DEPTOR: variants seen among roughly 807,000 people sequenced by gnomAD.
DEPTOR encodes the protein DEP domain-containing mTOR-interacting protein.
Under a neutral mutation model 41.6 loss-of-function variants are expected in DEPTOR, and 41 were observed. The observed-to-expected ratio is 0.98, with a 90% CI of 0.77 to 1.28. The LOEUF is 1.28. Ranked by LOEUF, DEPTOR falls within the 50% of genes most tolerant of loss-of-function variation. The pLI, the probability that DEPTOR is intolerant of heterozygous loss-of-function variation, is 0.00. For synonymous variants in DEPTOR, 195 were observed against 192.3 expected (o/e 1.01, Z -0.12); for missense variants, 514 against 527.9 (o/e 0.97, Z 0.26).
In DEPTOR at chr8:119,963,059, G is replaced by C. The variant is rs563116339; in HGVS notation, c.426-2173G>C. ...ATCTATGTGGATGCAAAGCTGTAGG[G>C]TTGGGAGTATAGGCCTGGTCTGGGA... is the stretch of plus-strand genomic sequence containing the variant. On this transcript the variant is annotated intron_variant, in intron 3 of 8. Coordinates refer to ENST00000286234, the MANE Select transcript of DEPTOR (RefSeq NM_022783.4). Among the ~76,000 whole-genome samples, 171 of 152,308 alleles carry C rather than the reference G, an allele frequency of 1.1e-3. 1 individual carries two copies. Among genetic ancestry groups the C allele is most frequent in the African/African-American group, 4.0e-3 (166 of 41,568 alleles).
intron 8 of DEPTOR, among the ~76,000 whole-genome samples, chr8:120,024,386 T>C (rs1812767804): frequency 6.6e-6 from 1 of 152,192 alleles, no homozygotes; most frequent in Admixed American, 6.5e-5. Flanking sequence ...TGGATGGCTG[T>C]TAGGGGCTGA....
At chr8:119,953,589 T>TC (rs1475599553) in intron 3 of DEPTOR, among the ~76,000 whole-genome samples, 470 of 128,444 alleles carry the variant, frequency 3.7e-3, no homozygotes, top group Middle Eastern at 0.033. Context: ...AGACTCTGTC[T>TC]CAAAAAAAAA....
At chr8:119,982,396 G>A (rs1038017305) in intron 4 of DEPTOR, among the ~76,000 whole-genome samples, 1 of 152,196 alleles carries the variant, frequency 6.6e-6, no homozygotes, top group African/African-American at 2.4e-5. Flanking sequence ...GCTTCAAAGA[G>A]ATAGAAAGTG....
At chr8:120,047,644 TG>T (rs1400238813) in intron 8 of DEPTOR, among the ~76,000 whole-genome samples, 1 of 151,834 alleles carries the variant, frequency 6.6e-6, no homozygotes, top group Non-Finnish European at 1.5e-5. Flanking sequence ...CCCAAAGTGC[TG>T]GGATTACAGG....
At chr8:119,960,640 G>A (rs902912183) in intron 3 of DEPTOR, among the ~76,000 whole-genome samples, 1 of 152,168 alleles carries the variant, frequency 6.6e-6, no homozygotes, top group East Asian at 1.9e-4. Context: ...TTACAAAGTT[G>A]TTTCATTCAC....
chr8:120,006,821 C>A lies in DEPTOR; in HGVS notation c.942C>A (p.Val314=), dbSNP rs745426709. Residue 314 remains valine, a synonymous_variant, in exon 7 of 9, where the codon GTC becomes GTA. Coordinates refer to ENST00000286234, the MANE Select transcript of DEPTOR (RefSeq NM_022783.4). ...CNPKSVLKRP[V]TSEELLTPGA... is the part of the protein sequence containing the mutation. ...GTCTGCCAGTGCTGAAGAGACCTGT[C>A]ACCTCTGAGGAACTCCTTACTCCCG... The A allele has an allele frequency of 2.5e-6, 4 of 1,614,030 alleles. No homozygotes were observed. Among genetic ancestry groups the A allele is most frequent in the Non-Finnish European group, 2.5e-6 (3 of 1,180,028 alleles).
At chr8:120,004,953 C>CA (rs141853021) in intron 6 of DEPTOR, among the ~76,000 whole-genome samples, 23,068 of 151,726 alleles carry the variant, frequency 0.15, 2,852 homozygotes, top group African/African-American at 0.34. Flanking sequence ...AAGCCAGACA[C>CA]AAAAAACAGT....
chr8:120,027,198 A>G (rs146200714), intron 8 of DEPTOR, among the ~76,000 whole-genome samples: 1,927 of 151,296 alleles, frequency 0.013, 42 homozygotes, highest in African/African-American at 0.044. Context: ...AGCCTGGGCA[A>G]GAAGAGTGAA....
At chr8:119,889,194 G>C (rs1827414260) in intron 1 of DEPTOR, among the ~76,000 whole-genome samples, 1 of 152,082 alleles carries the variant, frequency 6.6e-6, no homozygotes, top group East Asian at 1.9e-4. Flanking sequence ...CCTTGGCAAA[G>C]AAGGACACTT....
chr8:119,908,780 G>A (rs984144038), intron 1 of DEPTOR, among the ~76,000 whole-genome samples: 2 of 152,222 alleles, frequency 1.3e-5, no homozygotes, highest in Non-Finnish European at 2.9e-5. Flanking sequence ...CAAGCTGTTT[G>A]TCCCTGAGCT....
chr8:119,975,150 A>T (rs544967056), intron 4 of DEPTOR, among the ~76,000 whole-genome samples: 339 of 151,690 alleles, frequency 2.2e-3, no homozygotes, highest in African/African-American at 5.3e-3. Flanking sequence ...AAAAAAAAAA[A>T]TTTTTTTAAA....
At chr8:120,015,395 A>G (rs113993479) in intron 8 of DEPTOR, among the ~76,000 whole-genome samples, 10 of 152,234 alleles carry the variant, frequency 6.6e-5, no homozygotes, top group African/African-American at 1.7e-4. Context: ...GGTCTTAGTC[A>G]TTTTAGGCTG....
chr8:120,046,275 AC>A lies in DEPTOR; in HGVS notation c.1102-3300del, dbSNP rs1346357801. On this transcript the variant is annotated intron_variant, in intron 8 of 8. Transcript: ENST00000286234. ...TTTAATATATTCACAGATTTATGTC[AC>A]TATTACAACAATTTTAGAGCATTTT... Among the ~76,000 whole-genome samples the A allele has an allele frequency of 2.0e-5, 3 of 152,266 alleles. No individual in the cohort carries two copies. The East Asian group carries it at 5.8e-4, about 29-fold the overall frequency.
intron 1 of DEPTOR, among the ~76,000 whole-genome samples, chr8:119,923,271 T>G (rs765573377): frequency 2.6e-5 from 4 of 151,924 alleles, no homozygotes; most frequent in Non-Finnish European, 5.9e-5. Context: ...TGAGATGAGG[T>G]CTCTCTGTGG....
At chr8:119,993,972 C>A (rs559797779) in intron 4 of DEPTOR, among the ~76,000 whole-genome samples, 2 of 151,990 alleles carry the variant, frequency 1.3e-5, no homozygotes, top group South Asian at 4.2e-4. Flanking sequence ...GCCTGGCTAA[C>A]ACGGTGAAAA....
chr8:119,887,213 G>A (rs1454779959), intron 1 of DEPTOR, among the ~76,000 whole-genome samples: 17 of 122,782 alleles, frequency 1.4e-4, no homozygotes, highest in South Asian at 8.7e-4. Flanking sequence ...TCACTCTGTC[G>A]CCTGGGCTGG....
intron 8 of DEPTOR, among the ~76,000 whole-genome samples, chr8:120,025,527 T>G (rs1181057849): frequency 6.6e-6 from 1 of 152,192 alleles, no homozygotes; most frequent in Non-Finnish European, 1.5e-5. Context: ...GAGCTTCAGT[T>G]GATTGAATGC....
intron 3 of DEPTOR, among the ~76,000 whole-genome samples, chr8:119,932,111 A>T (rs187536965): frequency 6.6e-6 from 1 of 151,758 alleles, no homozygotes; most frequent in East Asian, 1.9e-4. Context: ...CCTCCCAAGT[A>T]GCTGGGAGTA....
intron 1 of DEPTOR, among the ~76,000 whole-genome samples, chr8:119,881,206 T>C (rs1029359553): frequency 3.9e-5 from 6 of 152,208 alleles, no homozygotes; most frequent in Non-Finnish European, 8.8e-5. Flanking sequence ...GCTTTGCAAA[T>C]GTTAATGCAG....
Sources: gnomAD v4.1 joint callset for allele counts (sites outside exome capture counted in the v4.1 genomes callset) on GRCh38, gnomAD v4.1.1 for gene constraint, MANE v1.5 for transcripts, NCBI Gene and HGNC (gene_info 2026-07-23, HGNC 2026-07-21) for gene names.